Variants in ZSWIM6 observed in about 807,000 individuals in gnomAD.
ZSWIM6 encodes zinc finger SWIM domain-containing protein 6.
A neutral mutation model predicts 113.2 loss-of-function variants in ZSWIM6; 9 were observed. The ratio of observed to expected loss-of-function variants is 0.08; its 90% CI spans 0.05 to 0.14. The LOEUF is 0.14. Ranked by LOEUF, ZSWIM6 falls within the 10% of genes least tolerant of loss-of-function variation. The probability of loss-of-function intolerance (pLI) is 1.00; values close to 1 mark genes in which losing one functional copy is unlikely to be tolerated. For synonymous variants in ZSWIM6, 611 were observed against 606.5 expected (o/e 1.01, Z -0.11); for missense variants, 1,162 against 1,552.2 (o/e 0.75, Z 4.22).
chr5:61,354,578 A>G (rs766562279), intron 1 of ZSWIM6, among the ~76,000 whole-genome samples: 2 of 152,230 alleles, frequency 1.3e-5, no homozygotes, highest in African/African-American at 4.8e-5. Flanking sequence ...GCTTATGGCA[A>G]GAGTTTTATG....
At chr5:61,411,093 T>C (rs1301472314) in intron 1 of ZSWIM6, among the ~76,000 whole-genome samples, 1 of 152,230 alleles carries the variant, frequency 6.6e-6, no homozygotes, top group South Asian at 2.1e-4. Flanking sequence ...TCTGAAGCAC[T>C]GCAGCAAAGT....
At chr5:61,383,109 T>C (rs868177660) in intron 1 of ZSWIM6, among the ~76,000 whole-genome samples, 26 of 152,362 alleles carry the variant, frequency 1.7e-4, no homozygotes, top group Admixed American at 3.3e-4. Flanking sequence ...TTGTGTGTTA[T>C]TCAGTGATCA....
intron 1 of ZSWIM6, among the ~76,000 whole-genome samples, chr5:61,458,128 G>A (rs1436226802): frequency 1.3e-5 from 2 of 152,126 alleles, no homozygotes; most frequent in Admixed American, 6.5e-5. Flanking sequence ...TTGCCTCTGA[G>A]TATGTAGATG....
At position 61,465,935 on chromosome 5, in the gene ZSWIM6, C is replaced by T. The variant is rs73760061; in HGVS notation, c.677-6746C>T. Among the ~76,000 whole-genome samples the T allele has an allele frequency of 4.6e-3, 705 of 152,254 alleles. 4 individuals carry two copies. The highest frequency in any genetic ancestry group is 0.016 in the African/African-American group (676 of 41,548). Reference sequence around the variant, plus strand: ...AATGTCTTTCTATAAGCTGTTTAAGCTTAGCATTAGAAATTAGTGCTAGAG... The same window carrying T: ...AATGTCTTTCTATAAGCTGTTTAAGTTTAGCATTAGAAATTAGTGCTAGAG... On this transcript the variant is annotated intron_variant, in intron 1 of 13. Transcript: ENST00000252744.
intron 1 of ZSWIM6, among the ~76,000 whole-genome samples, chr5:61,334,241 C>T (rs1027610344): frequency 2.0e-5 from 3 of 152,108 alleles, no homozygotes; most frequent in Admixed American, 1.3e-4. Flanking sequence ...GTTCTTTTTC[C>T]CCTGTCCAGA....
chr5:61,444,577 A>C (rs539359502), intron 1 of ZSWIM6, among the ~76,000 whole-genome samples: 1 of 152,176 alleles, frequency 6.6e-6, no homozygotes, highest in South Asian at 2.1e-4. Context: ...GACTTTCATA[A>C]ACCTTTTTTA....
At chr5:61,488,105 T>C (rs1748070713) in intron 2 of ZSWIM6, among the ~76,000 whole-genome samples, 1 of 152,032 alleles carries the variant, frequency 6.6e-6, no homozygotes, top group Non-Finnish European at 1.5e-5. Flanking sequence ...ATTTTACAAA[T>C]GGTTTTTCTG....
chr5:61,401,896 C>T (rs1745946155), intron 1 of ZSWIM6, among the ~76,000 whole-genome samples: 1 of 152,164 alleles, frequency 6.6e-6, no homozygotes, highest in African/African-American at 2.4e-5. Flanking sequence ...AGACCAGTCT[C>T]CTCTCCCTGC....
At chr5:61,336,982 A>C (rs1329832130) in intron 1 of ZSWIM6, among the ~76,000 whole-genome samples, 2 of 152,118 alleles carry the variant, frequency 1.3e-5, no homozygotes, top group South Asian at 4.1e-4. Context: ...TCATTCTTAC[A>C]TAAAGAGATG....
chr5:61,535,361 T>G, intron 9 of ZSWIM6, 123 bp from the exon 10 acceptor site: 1 of 1,176,874 alleles, frequency 8.5e-7, no homozygotes, highest in African/African-American at 1.5e-5. Context: ...CCTTTCTATA[T>G]CATTTACTTG....
intron 1 of ZSWIM6, among the ~76,000 whole-genome samples, chr5:61,442,050 C>T (rs113841949): frequency 1.6e-4 from 24 of 152,092 alleles, no homozygotes; most frequent in Admixed American, 5.2e-4. Context: ...TAGGAATTAG[C>T]GAGGGGTAAG....
intron 1 of ZSWIM6, among the ~76,000 whole-genome samples, chr5:61,467,728 T>C (rs1383139161): frequency 6.6e-6 from 1 of 152,224 alleles, no homozygotes; most frequent in Non-Finnish European, 1.5e-5. Context: ...AATCAACTAT[T>C]TGTGAGTTGA....
At chr5:61,501,679 A>T (rs140569376) in intron 4 of ZSWIM6, among the ~76,000 whole-genome samples, 201 of 152,302 alleles carry the variant, frequency 1.3e-3, no homozygotes, top group Admixed American at 2.4e-3. Flanking sequence ...AAGATGCTTT[A>T]AGGCTCATTG....
intron 1 of ZSWIM6, among the ~76,000 whole-genome samples, chr5:61,353,623 A>G (rs1370527219): frequency 1.3e-5 from 2 of 152,116 alleles, no homozygotes; most frequent in Non-Finnish European, 2.9e-5. Context: ...TTTCTCTTTG[A>G]TAAGTAGTAA....
chr5:61,461,313 C>T (rs1327220316), intron 1 of ZSWIM6, among the ~76,000 whole-genome samples: 1 of 152,196 alleles, frequency 6.6e-6, no homozygotes, highest in Non-Finnish European at 1.5e-5. Flanking sequence ...TCTATTACTG[C>T]TGCCTCCCTC....
intron 1 of ZSWIM6, among the ~76,000 whole-genome samples, chr5:61,412,699 C>T (rs1561227518): frequency 1.3e-5 from 2 of 152,176 alleles, no homozygotes; most frequent in Non-Finnish European, 2.9e-5. Context: ...CCTAAGAACC[C>T]TGCTGAAGAA....
At chr5:61,340,775 G>A (rs1744526924) in intron 1 of ZSWIM6, among the ~76,000 whole-genome samples, 2 of 152,146 alleles carry the variant, frequency 1.3e-5, no homozygotes, top group African/African-American at 4.8e-5. Flanking sequence ...ACTCTTTGGA[G>A]GGGTTATTTG....
At chr5:61,377,398 TA>T (rs200361952) in intron 1 of ZSWIM6, among the ~76,000 whole-genome samples, 1 of 147,894 alleles carries the variant, frequency 6.8e-6, no homozygotes. Flanking sequence ...CCTGAAACAA[TA>T]AAAAAAACAA....
At chr5:61,409,881 A>G (rs1212804669) in intron 1 of ZSWIM6, among the ~76,000 whole-genome samples, 2 of 152,208 alleles carry the variant, frequency 1.3e-5, no homozygotes, top group African/African-American at 4.8e-5. Context: ...CAGTAAAGGA[A>G]GACTATTTTG....
Sources: gnomAD v4.1 joint callset for allele counts (sites outside exome capture counted in the v4.1 genomes callset) on GRCh38, gnomAD v4.1.1 for gene constraint, MANE v1.5 for transcripts, NCBI Gene and HGNC (gene_info 2026-07-23, HGNC 2026-07-21) for gene names.